DOCK6: variants seen among roughly 807,000 people sequenced by gnomAD.
DOCK6 encodes dedicator of cytokinesis 6.
Under a neutral mutation model 230.3 loss-of-function variants are expected in DOCK6, and 167 were observed. That is an observed-to-expected ratio of 0.73 (90% CI 0.64 to 0.82). The LOEUF is 0.82. DOCK6 is among the 40% of genes least tolerant of loss of function. The pLI, the probability that DOCK6 is intolerant of heterozygous loss-of-function variation, is 0.00. For missense variants in DOCK6, 2,598 were observed against 2,825.8 expected (o/e 0.92, Z 1.83); for synonymous variants, 1,148 against 1,185.0 (o/e 0.97, Z 0.64).
At position 11,211,766 on chromosome 19, in the gene DOCK6, C is replaced by A. The variant is rs1271772564; in HGVS notation, c.4751+10G>T. On this transcript the variant is annotated intron_variant, in intron 37 of 47. Transcript: ENST00000294618. ...GGGCGTGGCTGAAGGTGCCAGCTGG[C>A]CCACCTCACCTGTACATGAGGTCGA... is the stretch of plus-strand genomic sequence containing the variant. 10 of 1,542,900 alleles carry A rather than the reference C, an allele frequency of 6.5e-6. No individual in the cohort carries two copies. The Admixed American group carries it at 1.2e-4, about 18-fold the overall frequency.
At chr19:11,258,905 C>T (rs2080239924) in intron 1 of DOCK6, among the ~76,000 whole-genome samples, 1 of 151,560 alleles carries the variant, frequency 6.6e-6, no homozygotes, top group Non-Finnish European at 1.5e-5. Context: ...TACAGGCACT[C>T]GCCACCATGC....
At chr19:11,254,651 C>T (rs2080171256) in intron 1 of DOCK6, among the ~76,000 whole-genome samples, 2 of 151,334 alleles carry the variant, frequency 1.3e-5, no homozygotes, top group Non-Finnish European at 2.9e-5. Context: ...CACTGCACCC[C>T]AACCTGGGCA....
At chr19:11,255,131 G>A (rs1470262558) in intron 1 of DOCK6, among the ~76,000 whole-genome samples, 3 of 151,940 alleles carry the variant, frequency 2.0e-5, no homozygotes, top group Non-Finnish European at 4.4e-5. Context: ...CGCCTCCTGA[G>A]TAGCTGGGAT....
At chr19:11,207,452 T>A (rs754620347) in intron 39 of DOCK6, among the ~76,000 whole-genome samples, 5 of 151,854 alleles carry the variant, frequency 3.3e-5, no homozygotes, top group African/African-American at 4.8e-5. Flanking sequence ...TGCTTCAGCC[T>A]CCCAAAGTGC....
chr19:11,201,829 T>G lies in DOCK6; in HGVS notation c.5688+60A>C. On this transcript the variant is annotated intron_variant, in intron 44 of 47. Transcript: ENST00000294618. The surrounding 1 kb of genome is among the most constrained non-coding windows in gnomAD (Gnocchi z 4.3). The stretch of plus-strand genomic sequence containing the variant: ...TCCCTGTGTCTACCCTCCCCTCCCC[T>G]CCCAGGGTCTGATGTCCCCTCACCT... 8.1e-5 allele frequency: 42 copies of G among 518,162 alleles called. No individual in the cohort carries two copies. Among genetic ancestry groups the G allele is most frequent in the Non-Finnish European group, 1.2e-4 (38 of 308,830 alleles). 32.1% of individuals were successfully genotyped at this position (518,162 alleles called of 1,614,324 possible). A position where few individuals can be genotyped will look rare whatever the true frequency, so the allele number is the denominator to read the frequency against.
chr19:11,258,081 T>G (rs139452654), intron 1 of DOCK6, among the ~76,000 whole-genome samples: 1 of 152,160 alleles, frequency 6.6e-6, no homozygotes, highest in Non-Finnish European at 1.5e-5. Flanking sequence ...ACACCTCTGA[T>G]CATGACAGCT....
rs1338012553 is a variant in DOCK6 at position 11,236,144 on chromosome 19, T to C, written c.2392+202A>G. 1.3e-5 allele frequency: 8 copies of C among 624,130 alleles called. No individual in the cohort carries two copies. The highest frequency in any genetic ancestry group is 1.9e-5 in the Non-Finnish European group (7 of 367,512). The allele number at this position is 624,130 out of a possible 1,614,324, so 38.7% of individuals were successfully genotyped here. A position where few individuals can be genotyped will look rare whatever the true frequency, so the allele number is the denominator to read the frequency against. On this transcript the variant is annotated intron_variant, in intron 20 of 47. Transcript: ENST00000294618. This position sits in a 1 kb window ranked among gnomAD's most constrained non-coding sequence, Gnocchi z 5.2. ...ATCTGCCCGCCTCGGCCTCCCAAAG[T>C]GCTGGGATGACAGGCGTGAACCGCT...
chr19:11,258,494 GAA>G (rs1425474537), intron 1 of DOCK6, among the ~76,000 whole-genome samples: 4 of 150,884 alleles, frequency 2.7e-5, no homozygotes, highest in Admixed American at 6.6e-5. Flanking sequence ...GTGCAGTGGT[GAA>G]ATCTCAGCTC....
Position 11,222,871 on chromosome 19 carries a change from G to A in DOCK6, c.3104C>T (p.Ala1035Val), listed in dbSNP as rs1240965889. The A allele has an allele frequency of 1.9e-6, 3 of 1,606,940 alleles. No homozygotes were observed. Among genetic ancestry groups the A allele is most frequent in the Non-Finnish European group, 1.7e-6 (2 of 1,176,984 alleles). Residue 1035 changes from alanine to valine, a missense_variant, in exon 26 of 48, where the codon GCA (alanine) becomes GTA (valine). Transcript: ENST00000294618. This position sits in a 1 kb window ranked among gnomAD's most constrained non-coding sequence, Gnocchi z 4.0. ...ATRLQSSPNP[A>V]ALLTLRMEFT... ...TTCCATGCGCAGGGTCAGCAGGGCT[G>A]CTGGATTAGGGGACGACTGGAGCCG...
At chr19:11,260,622 C>T (rs544105953) in intron 1 of DOCK6, among the ~76,000 whole-genome samples, 71 of 149,566 alleles carry the variant, frequency 4.7e-4, no homozygotes, top group Non-Finnish European at 9.2e-4. Context: ...GGTGCAGTGG[C>T]TCACACCTGT....
In DOCK6 at chr19:11,253,736, T is replaced by G; in HGVS notation, c.45-10A>C. 6.8e-7 allele frequency: 1 copy of G among 1,471,530 alleles called. No homozygotes were observed. Among genetic ancestry groups the G allele is most frequent in the South Asian group, 1.4e-5 (1 of 71,456 alleles). 91.2% of individuals were successfully genotyped at this position (1,471,530 alleles called of 1,614,324 possible). The stretch of plus-strand genomic sequence containing the variant: ...CTCTGCGGCCACCGTCCTGGAAAGA[T>G]AGGGAGGGGGCCATTGGGGACGGGA... On this transcript the variant is annotated splice_polypyrimidine_tract_variant and intron_variant, in intron 1 of 47. Coordinates refer to ENST00000294618, the MANE Select transcript of DOCK6 (RefSeq NM_020812.4).
At chr19:11,257,449 C>T (rs896076946) in intron 1 of DOCK6, among the ~76,000 whole-genome samples, 4 of 142,704 alleles carry the variant, frequency 2.8e-5, no homozygotes, top group South Asian at 2.2e-4. Context: ...GGCACCAGTG[C>T]ACTCCAGCCT....
chr19:11,245,991 G>A (rs977509262), intron 7 of DOCK6, 113 bp from the exon 8 acceptor site: 2 of 1,183,988 alleles, frequency 1.7e-6, no homozygotes, highest in Admixed American at 4.9e-5. Context: ...GGGCCACATG[G>A]AACCGCCACT....
chr19:11,223,770 C>G (rs568196175), intron 24 of DOCK6, among the ~76,000 whole-genome samples: 2 of 152,142 alleles, frequency 1.3e-5, no homozygotes, highest in South Asian at 4.1e-4. Flanking sequence ...CCTCAGCTTC[C>G]CCAGTAGCTT....
chr19:11,252,289 GC>G, intron 4 of DOCK6, 41 bp from the exon 5 acceptor site: 1 of 1,568,198 alleles, frequency 6.4e-7, no homozygotes, highest in South Asian at 1.2e-5. Context: ...AGGGCTGAGG[GC>G]CCCCAGGGGG....
chr19:11,205,034 C>A (rs947646195), intron 39 of DOCK6, among the ~76,000 whole-genome samples: 2 of 152,212 alleles, frequency 1.3e-5, no homozygotes, highest in Admixed American at 6.5e-5. Flanking sequence ...GCCCTGTGCC[C>A]ATGACCTCCA....
Position 11,215,933 on chromosome 19 carries a change from G to T in DOCK6, c.3895-6C>A, listed in dbSNP as rs769672715. ...CGTTCAAAGGCCTTTTTCCCCTGGG[G>T]GTGCAGAGAACTGGGGTTCCAGGCT... is the stretch of plus-strand genomic sequence containing the variant. On this transcript the variant is annotated splice_polypyrimidine_tract_variant and splice_region_variant and intron_variant, in intron 30 of 47. Transcript: ENST00000294618. The T allele has an allele frequency of 1.2e-6, 2 of 1,613,628 alleles. No individual in the cohort carries two copies. Among genetic ancestry groups the T allele is most frequent in the Admixed American group, 3.3e-5 (2 of 59,996 alleles).
At chr19:11,233,998 C>A (rs2079809368) in intron 21 of DOCK6, among the ~76,000 whole-genome samples, 1 of 151,714 alleles carries the variant, frequency 6.6e-6, no homozygotes, top group South Asian at 2.1e-4. Flanking sequence ...CCATGCTCAG[C>A]TAATTTTTTT....
intron 41 of DOCK6, chr19:11,203,385 C>T (rs2079202726): frequency 6.4e-6 from 1 of 155,320 alleles, no homozygotes; most frequent in Non-Finnish European, 1.4e-5. Context: ...TTCCCTCAAC[C>T]CCCAGGGTCC....
Sources: gnomAD v4.1 joint callset for allele counts (sites outside exome capture counted in the v4.1 genomes callset) on GRCh38, gnomAD v4.1.1 for gene constraint, Gnocchi (gnomAD v3.1) non-coding constraint, MANE v1.5 for transcripts, NCBI Gene and HGNC (gene_info 2026-07-23, HGNC 2026-07-21) for gene names.